The following PCDH15 variants were observed in gnomAD, a reference collection of about 807,000 sequenced individuals.
PCDH15 encodes protocadherin-15.
In PCDH15, 129 loss-of-function variants were observed where a neutral mutation model predicts 178.5. The observed-to-expected ratio is 0.72, with a 90% confidence interval of 0.63 to 0.84. PCDH15 has a LOEUF of 0.84. Among genes scored for constraint, PCDH15 ranks in the 40% least tolerant of loss-of-function variants. PCDH15 has a pLI of 0.00. For synonymous variants in PCDH15, 800 were observed against 732.0 expected (o/e 1.09, Z -1.50); for missense variants, 2,230 against 2,099.9 (o/e 1.06, Z -1.21).
chr10:55,150,290 T>C (rs1838672721), intron 2 of PCDH15, among the ~76,000 whole-genome samples: 1 of 152,054 alleles, frequency 6.6e-6, no homozygotes, highest in South Asian at 2.1e-4. Context: ...TGTCAGTTAC[T>C]GAAAAGATAT....
At chr10:55,458,967 T>C (rs1032469358) in intron 2 of PCDH15, among the ~76,000 whole-genome samples, 84 of 152,102 alleles carry the variant, frequency 5.5e-4, no homozygotes, top group Admixed American at 1.9e-3. Context: ...GACTATAACA[T>C]TGAACGCAGA....
chr10:55,287,250 C>T (rs1214038210), intron 1 of PCDH15, among the ~76,000 whole-genome samples: 1 of 151,900 alleles, frequency 6.6e-6, no homozygotes, highest in African/African-American at 2.4e-5. Context: ...TAAAGGTCAG[C>T]CAATTTAAAA....
intron 1 of PCDH15, among the ~76,000 whole-genome samples, chr10:55,208,443 TC>T (rs1007686504): frequency 1.3e-5 from 2 of 151,794 alleles, no homozygotes; most frequent in African/African-American, 2.4e-5. Flanking sequence ...CACATTCACC[TC>T]CCCCCACATA....
chr10:55,208,662 T>C (rs1019596835), intron 1 of PCDH15, among the ~76,000 whole-genome samples: 8 of 152,102 alleles, frequency 5.3e-5, no homozygotes, highest in Non-Finnish European at 1.0e-4. Context: ...TATCAAATCA[T>C]ACACTTTTTT....
chr10:55,099,609 AT>A (rs1186386912), intron 2 of PCDH15, among the ~76,000 whole-genome samples: 6 of 152,018 alleles, frequency 3.9e-5, no homozygotes, highest in Admixed American at 2.0e-4. Context: ...AAATTAGAAC[AT>A]TTTCTATTCA....
intron 1 of PCDH15, among the ~76,000 whole-genome samples, chr10:55,261,473 T>C (rs1842143747): frequency 6.6e-6 from 1 of 152,198 alleles, no homozygotes; most frequent in Admixed American, 6.5e-5. Flanking sequence ...GAACGCCTGC[T>C]ACCCCCAGAT....
intron 3 of PCDH15, among the ~76,000 whole-genome samples, chr10:54,851,646 G>A (rs1161893652): frequency 6.6e-6 from 1 of 152,158 alleles, no homozygotes; most frequent in African/African-American, 2.4e-5. Flanking sequence ...CCAGGCTGGA[G>A]TGCAGTGGCA....
At chr10:53,961,970 T>A in intron 21 of PCDH15, 78 bp from the exon 22 acceptor site, 1 of 1,173,332 alleles carries the variant, frequency 8.5e-7, no homozygotes, top group Non-Finnish European at 1.2e-6. Context: ...AATGGATCTT[T>A]AAAATTCATG....
intron 8 of PCDH15, among the ~76,000 whole-genome samples, chr10:54,308,752 T>C (rs1372266683): frequency 6.6e-6 from 1 of 152,010 alleles, no homozygotes; most frequent in East Asian, 1.9e-4. Context: ...TAATCTACAT[T>C]AGGTATTTCT....
intron 2 of PCDH15, among the ~76,000 whole-genome samples, chr10:55,583,938 C>T (rs576735802): frequency 5.3e-4 from 80 of 152,042 alleles, no homozygotes; most frequent in South Asian, 8.3e-4. Flanking sequence ...ATTGCAGTGG[C>T]GTGATCTTGG....
At chr10:54,722,980 T>C (rs1245260255) in intron 1 of PCDH15, among the ~76,000 whole-genome samples, 1 of 151,624 alleles carries the variant, frequency 6.6e-6, no homozygotes, top group Non-Finnish European at 1.5e-5. Context: ...CAAATCAATC[T>C]ACAGATTCAA....
At chr10:53,972,562 G>T (rs2089814940) in intron 21 of PCDH15, among the ~76,000 whole-genome samples, 1 of 152,072 alleles carries the variant, frequency 6.6e-6, no homozygotes, top group Non-Finnish European at 1.5e-5. Flanking sequence ...CTAATATCCA[G>T]AATCTACAAA....
chr10:54,090,109 G>T (rs756335083), intron 15 of PCDH15, 46 bp from the exon 16 acceptor site: 4 of 1,366,490 alleles, frequency 2.9e-6, no homozygotes, highest in Non-Finnish European at 3.1e-6. Flanking sequence ...TTGATATGGC[G>T]CCCACTCATT....
chr10:54,119,822 T>C (rs1286323430), intron 15 of PCDH15, among the ~76,000 whole-genome samples: 1 of 152,120 alleles, frequency 6.6e-6, no homozygotes, highest in African/African-American at 2.4e-5. Context: ...GTGCAGAACA[T>C]GCAGGTTTGT....
At chr10:54,972,616 A>G (rs138323958) in intron 2 of PCDH15, among the ~76,000 whole-genome samples, 91 of 151,940 alleles carry the variant, frequency 6.0e-4, no homozygotes, top group African/African-American at 1.9e-3. Context: ...TTGGGAGGCC[A>G]AGGCAGGCAT....
intron 16 of PCDH15, among the ~76,000 whole-genome samples, chr10:54,087,941 C>T (rs1375974418): frequency 6.6e-6 from 1 of 152,166 alleles, no homozygotes; most frequent in Non-Finnish European, 1.5e-5. Context: ...TCTCTTCCTC[C>T]TGCTCAGGCC....
intron 1 of PCDH15, among the ~76,000 whole-genome samples, chr10:55,230,895 T>G (rs866781824): frequency 2.0e-5 from 3 of 152,132 alleles, no homozygotes; most frequent in Middle Eastern, 6.8e-3. Flanking sequence ...TTGTTAATGG[T>G]CATACATTGA....
At chr10:55,368,830 T>C (rs1027783123) in intron 2 of PCDH15, among the ~76,000 whole-genome samples, 11 of 152,034 alleles carry the variant, frequency 7.2e-5, no homozygotes, top group African/African-American at 2.4e-4. Context: ...CATACAAGTG[T>C]ATTTTTTATA....
chr10:53,956,728 T>C (rs559746507), intron 23 of PCDH15, among the ~76,000 whole-genome samples: 3 of 152,126 alleles, frequency 2.0e-5, no homozygotes, highest in Non-Finnish European at 4.4e-5. Context: ...TGAACTGGGA[T>C]AATCAAGGGC....
Sources: gnomAD v4.1 joint callset for allele counts (sites outside exome capture counted in the v4.1 genomes callset) on GRCh38, gnomAD v4.1.1 for gene constraint, MANE v1.5 for transcripts, NCBI Gene and HGNC (gene_info 2026-07-23, HGNC 2026-07-21) for gene names.